The following HLA-DRB5 variants were observed in gnomAD, a reference collection of about 807,000 sequenced individuals.
The protein encoded by HLA-DRB5 is DR beta-5.
In HLA-DRB5, 11 loss-of-function variants were observed where a neutral mutation model predicts 22.4. That is an observed-to-expected ratio of 0.49 (90% CI 0.31 to 0.81). HLA-DRB5 has a LOEUF of 0.81. HLA-DRB5 is among the 40% of genes least tolerant of loss of function. HLA-DRB5 has a pLI of 0.05. For synonymous variants in HLA-DRB5, 57 were observed against 106.0 expected (o/e 0.54, Z 2.84); for missense variants, 106 against 274.4 (o/e 0.39, Z 4.34).
intron 3 of HLA-DRB5, among the ~76,000 whole-genome samples, chr6:32,518,962 A>G: frequency 1.1e-5 from 1 of 92,592 alleles, no homozygotes; most frequent in Middle Eastern, 4.9e-3. Context: ...GACAGAGCTA[A>G]TAAAAGGCAG....
chr6:32,524,532 A>G (rs1769352571), intron 1 of HLA-DRB5, among the ~76,000 whole-genome samples: 1 of 84,166 alleles, frequency 1.2e-5, no homozygotes, highest in Non-Finnish European at 2.4e-5. Flanking sequence ...GTCAGAAACC[A>G]AGAAAATGAC....
chr6:32,521,696 A>ACAGACC lies in HLA-DRB5; in HGVS notation c.370+208_370+209insGGTCTG, dbSNP rs1394107436. Among the ~76,000 whole-genome samples the ACAGACC allele has an allele frequency of 6.0e-3, 271 of 45,364 alleles. 92 individuals are homozygous for ACAGACC. The highest frequency in any genetic ancestry group is 8.7e-3 in the Non-Finnish European group (174 of 19,992). The allele number at this position is 45,364 out of a possible 152,430, so 29.8% of individuals were successfully genotyped here. The stretch of plus-strand genomic sequence containing the variant: ...CCCCTCCCACAAAGGCCACAAAGAC[A>ACAGACC]AATCCACACTCTACACACACACCTG... On this transcript the variant is annotated intron_variant, in intron 2 of 5. Coordinates refer to ENST00000374975, the MANE Select transcript of HLA-DRB5 (RefSeq NM_002125.4).
Position 32,530,210 on chromosome 6 carries a change from C to G in HLA-DRB5, c.15G>C (p.Lys5Asn), listed in dbSNP as rs761350323. 1.3e-6 allele frequency: 2 copies of G among 1,495,210 alleles called. No individual in the cohort carries two copies. The allele number at this position is 1,495,210 out of a possible 1,614,324, so 92.6% of individuals were successfully genotyped here. The change falls in exon 1 of 6, where the codon AAG (lysine) becomes AAC (asparagine). Residue 5 changes from lysine to asparagine, a missense_variant. Lys to Asn is a moderately conservative substitution (Grantham distance 94). Coordinates refer to ENST00000374975, the MANE Select transcript of HLA-DRB5 (RefSeq NM_002125.4). The part of the protein sequence containing the change: MVCL[K>N]LPGGSYMAKL... ...TTGCCATGTAGGAACCTCCAGGGAGCTTCAGACACACCATGCTGGAGAACA... is the reference window on the plus strand; with the variant it reads ...TTGCCATGTAGGAACCTCCAGGGAGGTTCAGACACACCATGCTGGAGAACA...
chr6:32,522,259 C>A, intron 1 of HLA-DRB5, 85 bp from the exon 2 acceptor site: 1 of 450,632 alleles, frequency 2.2e-6, no homozygotes, highest in Non-Finnish European at 3.3e-6. Flanking sequence ...GCTCCCTGGG[C>A]GGGGTGCGGG....
intron 1 of HLA-DRB5, among the ~76,000 whole-genome samples, chr6:32,529,159 G>A (rs796829553): frequency 0.084 from 8,688 of 103,000 alleles, 17 homozygotes; most frequent in Non-Finnish European, 0.097. Context: ...TGAGTTCCCA[G>A]GACTTGATCA....
rs201788268 is a variant in HLA-DRB5, at chr6:32,518,555, C to G, written c.763+1G>C. On this transcript the variant is annotated splice_donor_variant, in intron 4 of 5. Transcript: ENST00000374975. LOFTEE classifies it high-confidence loss of function. Reference sequence around the variant, plus strand: ...GAGAGCCGCTACCAAAGGCTCCTCACCTTTCTGATTCTTGAAGTAGATGAA... The same window carrying G: ...GAGAGCCGCTACCAAAGGCTCCTCAGCTTTCTGATTCTTGAAGTAGATGAA... 7,833 of 530,596 alleles carry G rather than the reference C, an allele frequency of 0.015. No homozygotes were observed. The highest frequency in any genetic ancestry group is 0.039 in the East Asian group (690 of 17,494). The allele number at this position is 530,596 out of a possible 1,614,324, so 32.9% of individuals were successfully genotyped here. A position where few individuals can be genotyped will look rare whatever the true frequency, so the allele number is the denominator to read the frequency against.
rs568854138 is a variant in HLA-DRB5, at chr6:32,527,986, C to T, written c.100+2139G>A. On this transcript the variant is annotated intron_variant, in intron 1 of 5. Coordinates refer to ENST00000374975, the MANE Select transcript of HLA-DRB5 (RefSeq NM_002125.4). ...GAGGCTCCCGACTTCCTCTCTGCAT[C>T]CTACCTCATCTTCTGCCACTGCATT... is the stretch of plus-strand genomic sequence containing the variant. Among the ~76,000 whole-genome samples, 90 of 34,790 alleles carry T rather than the reference C, an allele frequency of 2.6e-3. 4 individuals are homozygous for T. Among genetic ancestry groups the T allele is most frequent in the South Asian group, 6.1e-3 (9 of 1,480 alleles). The allele number at this position is 34,790 out of a possible 152,430, so 22.8% of individuals were successfully genotyped here. A position where few individuals can be genotyped will look rare whatever the true frequency, so the allele number is the denominator to read the frequency against.
intron 2 of HLA-DRB5, among the ~76,000 whole-genome samples, chr6:32,520,691 G>T (rs114996281): frequency 0.078 from 3,977 of 50,898 alleles, 331 homozygotes; most frequent in African/African-American, 0.1. Context: ...TTTTAAGAAG[G>T]AAGGAGAAAC....
At position 32,519,473 on chromosome 6, in the gene HLA-DRB5, G is replaced by C. The variant is rs752492015; in HGVS notation, c.549C>G (p.Thr183=). 1 of 1,386,426 alleles carries C rather than the reference G, an allele frequency of 7.2e-7. No homozygotes were observed. Among genetic ancestry groups the C allele is most frequent in the Admixed American group, 2.0e-5 (1 of 51,192 alleles). 85.9% of individuals were successfully genotyped at this position (1,386,426 alleles called of 1,614,324 possible). A position where few individuals can be genotyped will look rare whatever the true frequency, so the allele number is the denominator to read the frequency against. The change falls in exon 3 of 6, where the codon ACC becomes ACG. Residue 183 remains threonine, a synonymous_variant. Transcript: ENST00000374975. ...TTTCCAGCATCACCAGGGTCTGGAA[G>C]GTCCAGTCTCCATTCTGAATCAGGC... ...STGLIQNGDW[T]FQTLVMLETV... is the part of the protein sequence containing the mutation.
chr6:32,524,277 A>C (rs76155697), intron 1 of HLA-DRB5, among the ~76,000 whole-genome samples: 97,247 of 120,718 alleles, frequency 0.81, 41,915 homozygotes, highest in Middle Eastern at 0.87. Flanking sequence ...ATTTCCTTGC[A>C]TTACCAACCA....
At chr6:32,518,749 A>C (rs1768421734) in intron 3 of HLA-DRB5, 83 bp from the exon 4 acceptor site, 1 of 435,866 alleles carries the variant, frequency 2.3e-6, no homozygotes, top group Non-Finnish European at 3.7e-6. Context: ...ATAGCTTTGA[A>C]AATGGGGAAG....
chr6:32,525,897 TGGGCTGTGTGAAA>T (rs1769554462), intron 1 of HLA-DRB5, among the ~76,000 whole-genome samples: 4 of 41,770 alleles, frequency 9.6e-5, no homozygotes, highest in African/African-American at 1.8e-4. Context: ...CTAATAAATA[TGGGCTGTGTGAAA>T]TACTGGCTGT....
At chr6:32,521,853 A>ACT (rs1554265789) in intron 2 of HLA-DRB5, 52 bp downstream of exon 2, 12,382 of 657,192 alleles carry the variant, frequency 0.019, 1,633 homozygotes, top group South Asian at 0.075. Context: ...ACACACACAC[A>ACT]CTCAGATTCC....
At chr6:32,529,252 A>AC in intron 1 of HLA-DRB5, among the ~76,000 whole-genome samples, 3 of 127,496 alleles carry the variant, frequency 2.4e-5, no homozygotes, top group African/African-American at 3.0e-5. Context: ...TAACCTTATC[A>AC]AATTTCTGAT....
At chr6:32,526,234 A>G (rs113496464) in intron 1 of HLA-DRB5, among the ~76,000 whole-genome samples, 10,624 of 32,778 alleles carry the variant, frequency 0.32, 3,471 homozygotes, top group Middle Eastern at 0.6. Flanking sequence ...TCTCTGTCAC[A>G]TTCTCACTTC....
At chr6:32,520,491 A>G (rs190175258) in intron 2 of HLA-DRB5, among the ~76,000 whole-genome samples, 9 of 69,414 alleles carry the variant, frequency 1.3e-4, no homozygotes, top group Non-Finnish European at 2.1e-4. Context: ...AAATTCTTAC[A>G]TTTACATTTA....
chr6:32,526,431 C>A lies in HLA-DRB5; in HGVS notation c.100+3694G>T, dbSNP rs1769648782. On this transcript the variant is annotated intron_variant, in intron 1 of 5. Coordinates refer to ENST00000374975, the MANE Select transcript of HLA-DRB5 (RefSeq NM_002125.4). ...TTCTCCAGACAATCTCCCTATGTAACCTCTTCCACTCCCTGGAATTTAACA... is the reference window on the plus strand; with the variant it reads ...TTCTCCAGACAATCTCCCTATGTAAACTCTTCCACTCCCTGGAATTTAACA... Among the ~76,000 whole-genome samples, 4 of 57,334 alleles carry A rather than the reference C, an allele frequency of 7.0e-5. 2 individuals are homozygous for A. Among genetic ancestry groups the A allele is most frequent in the Admixed American group, 4.2e-4 (2 of 4,808 alleles). The allele number at this position is 57,334 out of a possible 152,430, so 37.6% of individuals were successfully genotyped here.
chr6:32,519,129 C>G (rs529988354), intron 3 of HLA-DRB5, among the ~76,000 whole-genome samples: 1 of 121,738 alleles, frequency 8.2e-6, no homozygotes. Context: ...TGACCTGTGA[C>G]ATCATGGGGA....
chr6:32,528,348 C>CCAGT (rs1318577975), intron 1 of HLA-DRB5, among the ~76,000 whole-genome samples: 12,103 of 94,474 alleles, frequency 0.13, 66 homozygotes, highest in African/African-American at 0.15. Context: ...AGAGTCGGGA[C>CCAGT]CCTCTCTATC....
Sources: allele counts gnomAD v4.1 joint callset (sites outside exome capture counted in the v4.1 genomes callset), GRCh38; gene constraint gnomAD v4.1.1; transcripts MANE v1.5; gene names NCBI Gene and HGNC (gene_info 2026-07-23, HGNC 2026-07-21).